Variants in ODF2 observed in about 807,000 individuals in gnomAD.
ODF2 encodes outer dense fiber of sperm tails 2, also known as outer dense fiber protein 2.
Under a neutral mutation model 110.2 loss-of-function variants are expected in ODF2, and 47 were observed. That is an observed-to-expected ratio of 0.43 (90% confidence interval 0.34 to 0.54). The LOEUF (loss-of-function observed/expected upper bound fraction) is 0.54, where lower values mean the gene tolerates loss of function less well. ODF2 is among the 20% of genes least tolerant of loss of function. The pLI is 0.03. For synonymous variants in ODF2, 352 were observed against 397.7 expected, an observed-to-expected ratio of 0.89 and a Z score of 1.37; for missense variants, 812 against 1,054.5, an observed-to-expected ratio of 0.77 and a Z score of 3.19.
chr9:128,500,137 G>A (rs745925520), exon 21 of ODF2: 7 of 1,614,236 alleles, frequency 4.3e-6, no homozygotes, highest in East Asian at 2.2e-5. Context: ...AGCACCAACC[G>A]CAGCATGCAG....
In ODF2 at chr9:128,458,461, CAA is replaced by C. The variant is rs55782363; in HGVS notation, c.32+1043_32+1044del. Among the ~76,000 whole-genome samples, 84 of 72,854 alleles carry C rather than the reference CAA, an allele frequency of 1.2e-3. 1 individual carries two copies. The highest frequency in any genetic ancestry group is 6.1e-3 in the South Asian group (15 of 2,462). 47.8% of individuals were successfully genotyped at this position (72,854 alleles called of 152,430 possible). On this transcript the variant is annotated intron_variant, in intron 2 of 20. Coordinates refer to ENST00000604420, the Ensembl canonical transcript of ODF2. ...TGGGCGACAGAGCGAGACTCTATCT[CAA>C]AAAAAAAAAAAAAAAAAAGGCCAGG...
At chr9:128,481,636 C>T (rs769479515) in exon 9 of ODF2, 15 of 1,613,644 alleles carry the variant, frequency 9.3e-6, no homozygotes, top group African/African-American at 1.3e-5. Flanking sequence ...TGGCGGAGGC[C>T]GACTCAGAGA....
At chr9:128,467,977 G>A (rs567968350) in intron 4 of ODF2, among the ~76,000 whole-genome samples, 108 of 152,150 alleles carry the variant, frequency 7.1e-4, no homozygotes, top group African/African-American at 2.6e-3. Flanking sequence ...TTACAGGCAT[G>A]AGCCACCGCT....
At chr9:128,458,440 C>T (rs1408599601) in intron 2 of ODF2, among the ~76,000 whole-genome samples, 2 of 131,726 alleles carry the variant, frequency 1.5e-5, no homozygotes, top group African/African-American at 5.8e-5. Context: ...CCAGCCTGGG[C>T]GACAGAGCGA....
exon 14 of ODF2, chr9:128,487,980 G>C: frequency 6.2e-7 from 1 of 1,614,108 alleles, no homozygotes; most frequent in Non-Finnish European, 8.5e-7. Flanking sequence ...TACACCGTCA[G>C]ACTGCTGAGT....
At chr9:128,495,656 G>A (rs562874568) in intron 17 of ODF2, among the ~76,000 whole-genome samples, 1 of 152,338 alleles carries the variant, frequency 6.6e-6, no homozygotes, top group Admixed American at 6.5e-5. Flanking sequence ...AGGAGGTTGA[G>A]ATCAATAGTA....
intron 4 of ODF2, 106 bp downstream of exon 4, chr9:128,461,173 C>T: frequency 7.1e-7 from 1 of 1,410,434 alleles, no homozygotes; most frequent in African/African-American, 1.4e-5. Context: ...AATGTCCTAA[C>T]AGACCCCATT....
At position 128,478,855 on chromosome 9, in the gene ODF2, C is replaced by T. The variant is rs115706322; in HGVS notation, c.844-2725C>T. Among the ~76,000 whole-genome samples the T allele has an allele frequency of 4.3e-3, 654 of 152,140 alleles. 3 individuals are homozygous for T. Among genetic ancestry groups the T allele is most frequent in the African/African-American group, 0.015 (618 of 41,508 alleles). On this transcript the variant is annotated intron_variant, in intron 8 of 20. Transcript: ENST00000604420. ...GGGGAACTGCTCTGGTTCTGGAGTC[C>T]GAGTCGGCTCCAGGGCCCAGTACTA...
intron 8 of ODF2, among the ~76,000 whole-genome samples, chr9:128,477,928 C>A (rs942786048): frequency 3.3e-5 from 5 of 152,078 alleles, no homozygotes; most frequent in Non-Finnish European, 7.4e-5. Flanking sequence ...AAATAAGTGT[C>A]TACATAGTTG....
chr9:128,459,321 T>TA (rs928387097), intron 2 of ODF2, among the ~76,000 whole-genome samples: 5 of 152,188 alleles, frequency 3.3e-5, no homozygotes, highest in African/African-American at 1.2e-4. Flanking sequence ...GCAAGGGTCA[T>TA]AATACATGTG....
chr9:128,476,731 C>T (rs1373869565), intron 8 of ODF2, among the ~76,000 whole-genome samples: 2 of 147,100 alleles, frequency 1.4e-5, no homozygotes, highest in African/African-American at 2.5e-5. Context: ...TCTGGCCTCC[C>T]GAGTTCAAGT....
intron 11 of ODF2, 36 bp downstream of exon 11, chr9:128,484,090 C>A: frequency 6.9e-7 from 1 of 1,455,900 alleles, no homozygotes; most frequent in Non-Finnish European, 9.6e-7. Flanking sequence ...AAAGAGGAGG[C>A]AAGGGCCTGC....
exon 8 of ODF2, chr9:128,473,706 C>T: frequency 6.2e-7 from 1 of 1,613,848 alleles, no homozygotes; most frequent in Non-Finnish European, 8.5e-7. Flanking sequence ...CAACCGCACC[C>T]TCCGAGACCT....
intron 8 of ODF2, among the ~76,000 whole-genome samples, chr9:128,480,260 G>A (rs569235782): frequency 6.6e-6 from 1 of 152,216 alleles, no homozygotes; most frequent in East Asian, 1.9e-4. Flanking sequence ...CTTTATTGAG[G>A]TATATTTGAC....
At chr9:128,488,156 G>A in intron 14 of ODF2, 131 bp downstream of exon 14, 1 of 1,074,376 alleles carries the variant, frequency 9.3e-7, no homozygotes, top group South Asian at 1.5e-5. Context: ...GACCAGGCAT[G>A]GTGGCTTAGG....
rs1843212393 is a variant in ODF2, at chr9:128,485,622, C to T, written c.1400+148C>T. ...TGCACTGGGCTGTGATGTGGGTAGCCCTGAGCTGGGCTTTCTGGTTGGAGC... is the reference window on the plus strand; with the variant it reads ...TGCACTGGGCTGTGATGTGGGTAGCTCTGAGCTGGGCTTTCTGGTTGGAGC... On this transcript the variant is annotated intron_variant, in intron 13 of 20. Transcript: ENST00000604420. The surrounding 1 kb of genome is among the most constrained non-coding windows in gnomAD (Gnocchi z 5.0). 1 of 589,634 alleles carries T rather than the reference C, an allele frequency of 1.7e-6. No individual in the cohort carries two copies. Among genetic ancestry groups the T allele is most frequent in the Non-Finnish European group, 3.1e-6 (1 of 326,414 alleles). 36.5% of individuals were successfully genotyped at this position (589,634 alleles called of 1,614,324 possible). A position where few individuals can be genotyped will look rare whatever the true frequency, so the allele number is the denominator to read the frequency against.
chr9:128,488,053 A>G, intron 14 of ODF2, 28 bp downstream of exon 14: 2 of 1,612,648 alleles, frequency 1.2e-6, no homozygotes, highest in Non-Finnish European at 1.7e-6. Flanking sequence ...GGGACCAGGC[A>G]GCTGGATGGG....
intron 8 of ODF2, among the ~76,000 whole-genome samples, chr9:128,477,630 G>T (rs1841576319): frequency 6.6e-6 from 1 of 150,860 alleles, no homozygotes; most frequent in Non-Finnish European, 1.5e-5. Context: ...TTTTGAGACG[G>T]AGTCTCGCTC....
At chr9:128,456,066 G>A, upstream of ODF2, 1 of 1,515,584 alleles carries the variant, frequency 6.6e-7, no homozygotes, top group African/African-American at 1.4e-5. Context: ...AACCCAAGCG[G>A]CTCCCGGGGG....
Sources: allele counts gnomAD v4.1 joint callset (sites outside exome capture counted in the v4.1 genomes callset), GRCh38; gene constraint gnomAD v4.1.1; non-coding constraint Gnocchi (gnomAD v3.1); transcripts MANE v1.5; gene names NCBI Gene and HGNC (gene_info 2026-07-23, HGNC 2026-07-21).